The following SCHIP1 variants were observed in gnomAD, a reference collection of about 807,000 sequenced individuals.
The protein encoded by SCHIP1 is schwannomin interacting protein 1.
A neutral mutation model predicts 29.7 loss-of-function variants in SCHIP1; 8 were observed. That is an observed-to-expected ratio of 0.27 (90% CI 0.16 to 0.49). The LOEUF (loss-of-function observed/expected upper bound fraction) is 0.49. Among genes scored for constraint, SCHIP1 ranks in the 20% least tolerant of loss-of-function variants. SCHIP1 has a pLI of 0.99. For missense variants in SCHIP1, 193 were observed against 294.6 expected, an observed-to-expected ratio of 0.66 and a Z score of 2.52; for synonymous variants, 76 against 94.9, an observed-to-expected ratio of 0.80 and a Z score of 1.16.
chr3:159,671,857 G>A, the SCHIP1 span, among the ~76,000 whole-genome samples: 7 of 152,234 alleles, frequency 4.6e-5, no homozygotes, highest in South Asian at 2.1e-4. Context: ...TGAGAAATGC[G>A]AGAACCCAGC....
At chr3:159,840,918 C>G (rs549278447) in intron 1 of SCHIP1, among the ~76,000 whole-genome samples, 1 of 152,282 alleles carries the variant, frequency 6.6e-6, no homozygotes, top group Non-Finnish European at 1.5e-5. Flanking sequence ...TTTAGTAACT[C>G]CTTGGTAGGA....
chr3:159,752,446 T>C, the SCHIP1 span, among the ~76,000 whole-genome samples: 1 of 152,188 alleles, frequency 6.6e-6, no homozygotes, highest in Non-Finnish European at 1.5e-5. Flanking sequence ...TGTATTGCTA[T>C]AAAGAAATAC....
the SCHIP1 span, among the ~76,000 whole-genome samples, chr3:159,502,084 G>A: frequency 2.0e-5 from 3 of 152,160 alleles, no homozygotes; most frequent in East Asian, 5.8e-4. Flanking sequence ...GAAAGTCAAT[G>A]AATATGAATT....
At chr3:159,411,475 A>T in the SCHIP1 span, among the ~76,000 whole-genome samples, 2 of 152,204 alleles carry the variant, frequency 1.3e-5, no homozygotes, top group Non-Finnish European at 2.9e-5. Flanking sequence ...TTTCTACCTC[A>T]ACTGCAGCAC....
At chr3:159,430,307 A>G in the SCHIP1 span, among the ~76,000 whole-genome samples, 3 of 152,290 alleles carry the variant, frequency 2.0e-5, no homozygotes, top group South Asian at 2.1e-4. Flanking sequence ...CATGTGGAAA[A>G]TTTCTCTCAT....
chr3:159,517,617 T>A, the SCHIP1 span, among the ~76,000 whole-genome samples: 1 of 152,208 alleles, frequency 6.6e-6, no homozygotes, highest in East Asian at 1.9e-4. Context: ...AATTTTCTAA[T>A]CTGCTTAAAA....
chr3:159,666,273 G>A, the SCHIP1 span, among the ~76,000 whole-genome samples: 2 of 152,284 alleles, frequency 1.3e-5, no homozygotes, highest in Admixed American at 6.5e-5. Context: ...ACAGCTATAC[G>A]TGACAGCCCT....
the SCHIP1 span, among the ~76,000 whole-genome samples, chr3:159,669,841 A>G: frequency 6.6e-6 from 1 of 152,156 alleles, no homozygotes; most frequent in Non-Finnish European, 1.5e-5. Context: ...TTCTGCCCAC[A>G]AGCCCTAGGA....
the SCHIP1 span, among the ~76,000 whole-genome samples, chr3:159,439,955 CTT>C: frequency 9.2e-5 from 14 of 152,136 alleles, no homozygotes; most frequent in Admixed American, 9.2e-4. Flanking sequence ...CTTTTGGTGT[CTT>C]TGTCATGAAA....
At chr3:159,747,191 G>A in the SCHIP1 span, among the ~76,000 whole-genome samples, 1 of 152,136 alleles carries the variant, frequency 6.6e-6, no homozygotes, top group African/African-American at 2.4e-5. Context: ...CCTTAAAGTA[G>A]CACCTCCCTA....
the SCHIP1 span, among the ~76,000 whole-genome samples, chr3:159,524,224 G>A: frequency 6.6e-6 from 1 of 152,190 alleles, no homozygotes; most frequent in African/African-American, 2.4e-5. Flanking sequence ...CATGCTCTTG[G>A]CAGATATTCT....
chr3:159,339,392 C>T, the SCHIP1 span, among the ~76,000 whole-genome samples: 1 of 152,122 alleles, frequency 6.6e-6, no homozygotes, highest in African/African-American at 2.4e-5. Flanking sequence ...CTGTTAGTCC[C>T]TGTCAGCAGG....
chr3:159,670,160 A>G, the SCHIP1 span, among the ~76,000 whole-genome samples: 1 of 152,314 alleles, frequency 6.6e-6, no homozygotes, highest in Admixed American at 6.5e-5. Flanking sequence ...TGGTTGTATA[A>G]ATGTATCTGT....
chr3:159,596,141 T>A, the SCHIP1 span, among the ~76,000 whole-genome samples: 2 of 152,124 alleles, frequency 1.3e-5, no homozygotes, highest in Non-Finnish European at 2.9e-5. Context: ...GGGCAAAGGA[T>A]ATGAACAGAC....
At chr3:159,639,953 A>T in the SCHIP1 span, among the ~76,000 whole-genome samples, 1 of 152,230 alleles carries the variant, frequency 6.6e-6, no homozygotes, top group Non-Finnish European at 1.5e-5. Context: ...CAGATATTAA[A>T]TGGCAAATAT....
At chr3:159,888,112 A>G in intron 4 of SCHIP1, 2 of 692,128 alleles carry the variant, frequency 2.9e-6, no homozygotes, top group South Asian at 2.0e-5. Flanking sequence ...TCACAAAAGT[A>G]AAGTTTGCTG....
chr3:159,810,545 A>G, the SCHIP1 span, among the ~76,000 whole-genome samples: 1 of 152,242 alleles, frequency 6.6e-6, no homozygotes, highest in Admixed American at 6.5e-5. Flanking sequence ...TGAACATTTC[A>G]TATAAATGGG....
intron 6 of SCHIP1, among the ~76,000 whole-genome samples, chr3:159,896,279 C>T (rs1001937481): frequency 7.9e-5 from 12 of 152,166 alleles, no homozygotes; most frequent in African/African-American, 1.2e-4. Context: ...CTTTTGGCTT[C>T]GTGCTTATTT....
At chr3:159,678,192 C>T in the SCHIP1 span, among the ~76,000 whole-genome samples, 16 of 152,338 alleles carry the variant, frequency 1.1e-4, no homozygotes, top group African/African-American at 3.8e-4. Flanking sequence ...AATATTTCCA[C>T]TCACCCAGGT....
Sources: gnomAD v4.1 joint callset for allele counts (sites outside exome capture counted in the v4.1 genomes callset) on GRCh38, gnomAD v4.1.1 for gene constraint, MANE v1.5 for transcripts, NCBI Gene and HGNC (gene_info 2026-07-23, HGNC 2026-07-21) for gene names.